MACC1: variants seen among roughly 807,000 people sequenced by gnomAD.
MACC1 encodes metastasis-associated in colon cancer protein 1.
Under a neutral mutation model 70.7 loss-of-function variants are expected in MACC1, and 79 were observed. The observed-to-expected ratio is 1.12, with a 90% CI of 0.93 to 1.35. MACC1 has a LOEUF of 1.35. MACC1 is among the 40% of genes most tolerant of loss of function. The pLI is 0.00. For synonymous variants in MACC1, 361 were observed against 347.2 expected (o/e 1.04, Z -0.44); for missense variants, 1,106 against 978.1 (o/e 1.13, Z -1.74).
chr7:20,158,291 T>G lies in MACC1; in HGVS notation c.2070A>C (p.Ser690=), dbSNP rs1479764285. Residue 690 remains serine, a synonymous_variant, in exon 5 of 7, where the codon TCA becomes TCC. Coordinates refer to ENST00000400331, the MANE Select transcript of MACC1 (RefSeq NM_182762.4). ...TCTTTATAACATAAGAAACTTTCTC[T>G]GATTCTTTGTCTGCTTGAATTTGAT... The part of the protein sequence containing the change: ...DFDQIQADKE[S]EKVSYVIKKL... 6.2e-7 allele frequency: 1 copy of G among 1,613,128 alleles called. No homozygotes were observed. The highest frequency in any genetic ancestry group is 1.3e-5 in the African/African-American group (1 of 75,004).
At chr7:20,208,187 T>C (rs1782941338) in intron 1 of MACC1, among the ~76,000 whole-genome samples, 1 of 152,198 alleles carries the variant, frequency 6.6e-6, no homozygotes, top group Non-Finnish European at 1.5e-5. Flanking sequence ...TATTTCTTCA[T>C]AGAAGCGTAA....
At chr7:20,197,737 A>G (rs1782776542) in intron 1 of MACC1, among the ~76,000 whole-genome samples, 1 of 152,222 alleles carries the variant, frequency 6.6e-6, no homozygotes, top group Non-Finnish European at 1.5e-5. Context: ...AAGAAGCCCT[A>G]TTTGAGCTTC....
intron 1 of MACC1, among the ~76,000 whole-genome samples, chr7:20,205,948 A>G (rs952433860): frequency 2.9e-4 from 44 of 152,140 alleles, no homozygotes; most frequent in African/African-American, 1.0e-3. Flanking sequence ...CTTCTTCCTT[A>G]TCTCTATCAA....
chr7:20,179,536 T>C (rs1782466808), intron 1 of MACC1, among the ~76,000 whole-genome samples: 1 of 152,210 alleles, frequency 6.6e-6, no homozygotes, highest in South Asian at 2.1e-4. Flanking sequence ...CCCATGATGG[T>C]ATTCGATATA....
chr7:20,200,387 C>G (rs1782815847), intron 1 of MACC1, among the ~76,000 whole-genome samples: 1 of 152,232 alleles, frequency 6.6e-6, no homozygotes, highest in African/African-American at 2.4e-5. Flanking sequence ...CCAAAGAAAA[C>G]ACACGATGAC....
intron 2 of MACC1, among the ~76,000 whole-genome samples, chr7:20,165,676 A>G (rs949519484): frequency 2.0e-5 from 3 of 152,100 alleles, no homozygotes; most frequent in Admixed American, 6.6e-5. Flanking sequence ...CTCAATGACA[A>G]TTGCCGCCCA....
intron 6 of MACC1, among the ~76,000 whole-genome samples, chr7:20,148,042 A>G (rs1214691091): frequency 1.3e-5 from 2 of 152,306 alleles, no homozygotes; most frequent in East Asian, 3.9e-4. Context: ...GAAAAAATAC[A>G]GTGTCAAGAG....
chr7:20,159,807 T>G lies in MACC1; in HGVS notation c.554A>C (p.Gln185Pro). The change falls in exon 5 of 7, where the codon CAA (glutamine) becomes CCA (proline). Residue 185 changes from glutamine (Q) to proline (P), a missense_variant. Physicochemically the swap from Gln to Pro is moderately conservative, Grantham distance 76. Transcript: ENST00000400331. ...AAGGCAGGAGCGGGCCAGCTGGCGT[T>G]GACTTAACCAAGCCATTTTATAAGC... ...REAYKMAWLSQRQLARSCLDL... is the reference protein window; with the variant it reads ...REAYKMAWLSPRQLARSCLDL... 1 of 1,614,138 alleles carries G rather than the reference T, an allele frequency of 6.2e-7. No individual in the cohort carries two copies. Among genetic ancestry groups the G allele is most frequent in the South Asian group, 1.1e-5 (1 of 91,084 alleles).
At chr7:20,161,151 C>T (rs1023879980) in intron 4 of MACC1, among the ~76,000 whole-genome samples, 1 of 152,026 alleles carries the variant, frequency 6.6e-6, no homozygotes, top group African/African-American at 2.4e-5. Context: ...TATAAAGACT[C>T]TGTAGACTTT....
intron 3 of MACC1, among the ~76,000 whole-genome samples, chr7:20,163,880 C>T (rs1014168058): frequency 6.6e-6 from 1 of 152,198 alleles, no homozygotes; most frequent in Non-Finnish European, 1.5e-5. Flanking sequence ...CCCAATGTAC[C>T]TTCTGAGACT....
chr7:20,165,094 G>A (rs1782194277), intron 2 of MACC1, among the ~76,000 whole-genome samples: 1 of 152,070 alleles, frequency 6.6e-6, no homozygotes, highest in Non-Finnish European at 1.5e-5. Flanking sequence ...GGCACCAAAG[G>A]GTCGTTAGCT....
intron 1 of MACC1, among the ~76,000 whole-genome samples, chr7:20,202,622 G>T (rs1021998818): frequency 6.6e-6 from 1 of 152,166 alleles, no homozygotes; most frequent in African/African-American, 2.4e-5. Context: ...TATCTGTGAT[G>T]AGAACCAAAA....
At chr7:20,170,343 G>T (rs2128104283) in intron 2 of MACC1, 1 of 152,282 alleles carries the variant, frequency 6.6e-6, no homozygotes. Flanking sequence ...AACATCAGTT[G>T]CTGCTTAAAA....
intron 6 of MACC1, among the ~76,000 whole-genome samples, chr7:20,151,657 G>C (rs1432514558): frequency 1.3e-5 from 2 of 152,102 alleles, no homozygotes; most frequent in Non-Finnish European, 2.9e-5. Flanking sequence ...AAAAAATTAA[G>C]AAATGGTTAA....
At position 20,154,300 on chromosome 7, in the gene MACC1, C is replaced by T; in HGVS notation, c.2239G>A (p.Gly747Arg). The T allele has an allele frequency of 6.2e-7, 1 of 1,613,984 alleles. No homozygotes were observed. The highest frequency in any genetic ancestry group is 8.5e-7 in the Non-Finnish European group (1 of 1,179,936). The change falls in exon 6 of 7, where the codon GGA (glycine) becomes AGA (arginine). Residue 747 changes from glycine to arginine, a missense_variant. Gly to Arg is a moderately radical substitution (Grantham distance 125). Coordinates refer to ENST00000400331, the MANE Select transcript of MACC1 (RefSeq NM_182762.4). The stretch of plus-strand genomic sequence containing the variant: ...TCAGCTAGTTCCCTCCAGCCTTTTC[C>T]AAGCTTGACAGCTGAAGTCAGAACA... Reference protein sequence around the residue: ...AAVLTSAVKLGKGWRELAEKL... With the variant: ...AAVLTSAVKLRKGWRELAEKL...
chr7:20,194,215 G>C (rs926812159), intron 1 of MACC1, among the ~76,000 whole-genome samples: 1 of 152,064 alleles, frequency 6.6e-6, no homozygotes, highest in African/African-American at 2.4e-5. Context: ...GGTTTTTGCC[G>C]CTTTTTTTAT....
At position 20,138,152 on chromosome 7, in the gene MACC1, C is replaced by CAAAAAAAAAAAAAA. The variant is rs535703374; in HGVS notation, c.*2780_*2793dup. 1 of 67,868 alleles carries CAAAAAAAAAAAAAA rather than the reference C, an allele frequency of 1.5e-5. No individual in the cohort carries two copies. The highest frequency in any genetic ancestry group is 4.5e-5 in the African/African-American group (1 of 22,158). The allele number at this position is 67,868 out of a possible 1,614,324, so 4.2% of individuals were successfully genotyped here. Reference sequence around the variant, plus strand: ...TGGGCAACAGAGCCAGACTCTGGCTCAAAAAAAAAAAAAAAAAAAAAAAAA... The same window carrying CAAAAAAAAAAAAAA: ...TGGGCAACAGAGCCAGACTCTGGCTCAAAAAAAAAAAAAAAAAAAAAAAAAAAAAAAAAAAAAAA... On this transcript the variant is annotated 3_prime_UTR_variant, in exon 7 of 7. Coordinates refer to ENST00000400331, the MANE Select transcript of MACC1 (RefSeq NM_182762.4).
Position 20,140,262 on chromosome 7 carries a change from G to T in MACC1, c.*684C>A, listed in dbSNP as rs926184219. The stretch of plus-strand genomic sequence containing the variant: ...CATTTTGTTTTTACTATTCTGTTAT[G>T]CAGTATGATTTTTTAAAAAGAAATA... On this transcript the variant is annotated 3_prime_UTR_variant, in exon 7 of 7. Coordinates refer to ENST00000400331, the MANE Select transcript of MACC1 (RefSeq NM_182762.4). 6.6e-6 allele frequency: 1 copy of T among 152,138 alleles called. No homozygotes were observed. Among genetic ancestry groups the T allele is most frequent in the Admixed American group, 6.5e-5 (1 of 15,286 alleles). 9.4% of individuals were successfully genotyped at this position (152,138 alleles called of 1,614,324 possible). A position where few individuals can be genotyped will look rare whatever the true frequency, so the allele number is the denominator to read the frequency against.
At chr7:20,150,641 C>T (rs943078625) in intron 6 of MACC1, 3 of 152,220 alleles carry the variant, frequency 2.0e-5, no homozygotes, top group Admixed American at 6.5e-5. Context: ...ATTGACTTCG[C>T]TGGCTTCCAT....
Sources: allele counts gnomAD v4.1 joint callset (sites outside exome capture counted in the v4.1 genomes callset), GRCh38; gene constraint gnomAD v4.1.1; transcripts MANE v1.5; gene names NCBI Gene and HGNC (gene_info 2026-07-23, HGNC 2026-07-21).